Variants in TUB observed in about 807,000 individuals in gnomAD.
The protein encoded by TUB is tubby protein homolog.
Under a neutral mutation model 59.7 loss-of-function variants are expected in TUB, and 33 were observed. The ratio of observed to expected loss-of-function variants is 0.55; its 90% CI spans 0.42 to 0.74. TUB has a LOEUF of 0.74. TUB is among the 30% of genes least tolerant of loss of function. The pLI, the probability that TUB is intolerant of heterozygous loss-of-function variation, is 0.00. For missense variants in TUB, 659 were observed against 672.0 expected, an observed-to-expected ratio of 0.98 and a Z score of 0.21; for synonymous variants, 293 against 256.4, an observed-to-expected ratio of 1.14 and a Z score of -1.36.
intron 1 of TUB, among the ~76,000 whole-genome samples, chr11:8,023,547 T>C (rs914897041): frequency 6.6e-6 from 1 of 152,152 alleles, no homozygotes; most frequent in African/African-American, 2.4e-5. Context: ...ACTCCAGCCT[T>C]TTTGCCAAGA....
chr11:8,039,164 G>A (rs1035536535), intron 1 of TUB: 12 of 1,147,974 alleles, frequency 1.0e-5, no homozygotes, highest in South Asian at 4.9e-5. Flanking sequence ...CTATCACCAC[G>A]TGGAGCCCCA....
intron 2 of TUB, among the ~76,000 whole-genome samples, chr11:8,052,126 C>G (rs1942943152): frequency 6.6e-6 from 1 of 152,200 alleles, no homozygotes; most frequent in Non-Finnish European, 1.5e-5. Flanking sequence ...ATGGCAAATG[C>G]CTCCTCATTC....
At chr11:8,062,931 G>T (rs1274004125) in intron 2 of TUB, among the ~76,000 whole-genome samples, 1 of 152,178 alleles carries the variant, frequency 6.6e-6, no homozygotes, top group African/African-American at 2.4e-5. Flanking sequence ...TCGTGGGAAG[G>T]AGAGGCCGAC....
At position 8,090,229 on chromosome 11, in the gene TUB, A is replaced by G; in HGVS notation, c.251A>G (p.Gln84Arg). 1.2e-6 allele frequency: 2 copies of G among 1,613,296 alleles called. No homozygotes were observed. Among genetic ancestry groups the G allele is most frequent in the Non-Finnish European group, 1.7e-6 (2 of 1,179,782 alleles). Reference sequence around the variant, plus strand: ...AGCAGCAGTGGCAGCACCAGCTACCAAGGTATACCTTGCCTGCTGCCCCAC... The same window carrying G: ...AGCAGCAGTGGCAGCACCAGCTACCGAGGTATACCTTGCCTGCTGCCCCAC... ...YLSSSGSTSY[Q>R]VQEADSLASV... Residue 84 changes from glutamine (Q) to arginine (R), a missense_variant and splice_region_variant, in exon 3 of 12, where the codon CAA becomes CGA. Physicochemically the swap from Gln to Arg is conservative, Grantham distance 43 (BLOSUM62 1). Coordinates refer to ENST00000299506, the MANE Select transcript of TUB (RefSeq NM_177972.3).
rs1944329847 is a variant in TUB at position 8,102,045 on chromosome 11, G to C, written c.*426G>C. On this transcript the variant is annotated 3_prime_UTR_variant, in exon 12 of 12. Coordinates refer to ENST00000299506, the MANE Select transcript of TUB (RefSeq NM_177972.3). ...CAGATGGCAATGGGTACTCCAGCAGGTAGGGGCACAGTGAATGTGTGTATG... is the reference window on the plus strand; with the variant it reads ...CAGATGGCAATGGGTACTCCAGCAGCTAGGGGCACAGTGAATGTGTGTATG... 5.3e-6 allele frequency: 1 copy of C among 187,554 alleles called. No homozygotes were observed. The highest frequency in any genetic ancestry group is 2.3e-5 in the African/African-American group (1 of 42,948). The allele number at this position is 187,554 out of a possible 1,614,324, so 11.6% of individuals were successfully genotyped here. A position where few individuals can be genotyped will look rare whatever the true frequency, so the allele number is the denominator to read the frequency against.
chr11:8,101,789 T>C lies in TUB; in HGVS notation c.*170T>C. On this transcript the variant is annotated 3_prime_UTR_variant, in exon 12 of 12. Coordinates refer to ENST00000299506, the MANE Select transcript of TUB (RefSeq NM_177972.3). ...CAGGAACTGGCTCCTTTGCCTCTGC[T>C]ACTGAGGCAGGGGAGTAGTGGAGAG... 2 of 1,191,492 alleles carry C rather than the reference T, an allele frequency of 1.7e-6. No individual in the cohort carries two copies. Among genetic ancestry groups the C allele is most frequent in the South Asian group, 1.6e-5 (1 of 62,366 alleles). 73.8% of individuals were successfully genotyped at this position (1,191,492 alleles called of 1,614,324 possible). A position where few individuals can be genotyped will look rare whatever the true frequency, so the allele number is the denominator to read the frequency against.
intron 2 of TUB, among the ~76,000 whole-genome samples, chr11:8,074,030 A>G (rs1181543343): frequency 1.3e-5 from 2 of 152,104 alleles, no homozygotes; most frequent in African/African-American, 4.8e-5. Context: ...GTGACACACC[A>G]TATTACACTA....
chr11:8,022,327 A>C (rs1942440975), intron 1 of TUB, among the ~76,000 whole-genome samples: 1 of 152,230 alleles, frequency 6.6e-6, no homozygotes, highest in Non-Finnish European at 1.5e-5. Context: ...TTAAAAGTGA[A>C]AATCTGTGTT....
chr11:8,047,554 T>TG (rs1185438043), intron 2 of TUB, among the ~76,000 whole-genome samples: 1 of 152,084 alleles, frequency 6.6e-6, no homozygotes, highest in African/African-American at 2.4e-5. Flanking sequence ...TGCCCTCGAG[T>TG]GGCCTGGAGT....
chr11:8,049,620 TATAAA>T, intron 2 of TUB, among the ~76,000 whole-genome samples: 1 of 148,442 alleles, frequency 6.7e-6, no homozygotes, highest in Non-Finnish European at 1.5e-5. Flanking sequence ...CACACATACA[TATAAA>T]ATAAAATCAC....
At chr11:8,084,795 C>G (rs1487809344) in intron 1 of TUB, among the ~76,000 whole-genome samples, 1 of 152,200 alleles carries the variant, frequency 6.6e-6, no homozygotes, top group Non-Finnish European at 1.5e-5. Flanking sequence ...ATACAGTACT[C>G]TCACATCACC....
At chr11:8,044,501 CAT>C (rs943906957) in intron 2 of TUB, among the ~76,000 whole-genome samples, 1 of 152,156 alleles carries the variant, frequency 6.6e-6, no homozygotes, top group Non-Finnish European at 1.5e-5. Context: ...CTAATTCTGT[CAT>C]CTGTGTCTTC....
chr11:8,035,486 G>A (rs1942633211), upstream of TUB: 1 of 152,356 alleles, frequency 6.6e-6, no homozygotes, highest in East Asian at 1.9e-4. Context: ...ACTGCCTACT[G>A]CCTCAGGCAG....
At position 8,029,388 on chromosome 11, in the gene TUB, CTT is replaced by C. The variant is rs71059146; in HGVS notation, c.56+10047_56+10048del. Among the ~76,000 whole-genome samples, 951 of 123,458 alleles carry C rather than the reference CTT, an allele frequency of 7.7e-3. 3 individuals are homozygous for C. The highest frequency in any genetic ancestry group is 0.015 in the African/African-American group (493 of 33,520). The allele number at this position is 123,458 out of a possible 152,430, so 81.0% of individuals were successfully genotyped here. On this transcript the variant is annotated intron_variant, in intron 1 of 11. Coordinates refer to the TUB transcript ENST00000534099. Reference sequence around the variant, plus strand: ...CAGGTTCTTTTCTTTTTCTTTCTTTCTTTTTTTTTTTTTTTTTTGAGACAGAG... The same window carrying C: ...CAGGTTCTTTTCTTTTTCTTTCTTTCTTTTTTTTTTTTTTTTGAGACAGAG...
chr11:8,039,691 C>G (rs778672572), exon 2 of TUB: 6 of 1,534,582 alleles, frequency 3.9e-6, no homozygotes, highest in Middle Eastern at 1.8e-4. Flanking sequence ...GGAGATCGCT[C>G]GGTGAGCTGG....
chr11:8,098,733 T>C (rs1242965901), intron 8 of TUB, 25 bp from the exon 9 acceptor site: 80 of 1,559,130 alleles, frequency 5.1e-5, no homozygotes, highest in Non-Finnish European at 6.8e-5. Flanking sequence ...TGCATGACTC[T>C]ATACTGATTG....
intron 5 of TUB, among the ~76,000 whole-genome samples, chr11:8,095,981 C>T (rs995119801): frequency 2.0e-5 from 3 of 152,228 alleles, no homozygotes; most frequent in Admixed American, 6.5e-5. Context: ...GTAGATCCTC[C>T]GTGGAAACCT....
At chr11:8,097,872 C>A in intron 8 of TUB, 46 bp downstream of exon 8, 3 of 1,444,602 alleles carry the variant, frequency 2.1e-6, no homozygotes, top group South Asian at 1.2e-5. Context: ...GAGGGAGGGG[C>A]AGGGGCAAGC....
At chr11:8,038,518 T>G (rs1589925492), upstream of TUB, 9 of 814,068 alleles carry the variant, frequency 1.1e-5, no homozygotes, top group Non-Finnish European at 1.4e-5. Flanking sequence ...TTGTCCGCAG[T>G]GCACTTGTCT....
Sources: allele counts gnomAD v4.1 joint callset (sites outside exome capture counted in the v4.1 genomes callset), GRCh38; gene constraint gnomAD v4.1.1; transcripts MANE v1.5; gene names NCBI Gene and HGNC (gene_info 2026-07-23, HGNC 2026-07-21).